ITGA2B: variants seen among roughly 807,000 people sequenced by gnomAD.
ITGA2B encodes integrin subunit alpha 2b.
ITGA2B carries 91 observed loss-of-function variants against 142.0 expected under a neutral mutation model. That is an observed-to-expected ratio of 0.64 (90% CI 0.54 to 0.76). The LOEUF is 0.76. Among genes scored for constraint, ITGA2B ranks in the 30% least tolerant of loss-of-function variants. The pLI is 0.00. For synonymous variants in ITGA2B, 536 were observed against 567.2 expected (o/e 0.94, Z 0.78); for missense variants, 1,231 against 1,350.8 (o/e 0.91, Z 1.39).
chr17:44,387,740 G>C (rs886563144), intron 1 of ITGA2B, among the ~76,000 whole-genome samples: 2 of 142,076 alleles, frequency 1.4e-5, no homozygotes, highest in African/African-American at 5.4e-5. Context: ...CAGGAGAATC[G>C]CTTGAACCCG....
intron 12 of ITGA2B, among the ~76,000 whole-genome samples, chr17:44,382,567 T>A (rs569507813): frequency 6.0e-4 from 92 of 152,136 alleles, no homozygotes; most frequent in African/African-American, 2.2e-3. Flanking sequence ...TGGAGTGCAG[T>A]AGTGGCGCAA....
rs1280533435 is a variant in ITGA2B, at chr17:44,375,127, G to A, written c.2728-16C>T. On this transcript the variant is annotated splice_polypyrimidine_tract_variant and intron_variant, in intron 26 of 29. Coordinates refer to ENST00000262407, the MANE Select transcript of ITGA2B (RefSeq NM_000419.5). ...AGTCGCAGCTCTGAGGGGAAGCATCGTCAGTCCCCAGCCCGTCCCGGCCCA... is the reference window on the plus strand; with the variant it reads ...AGTCGCAGCTCTGAGGGGAAGCATCATCAGTCCCCAGCCCGTCCCGGCCCA... 1.9e-6 allele frequency: 3 copies of A among 1,542,136 alleles called. No individual in the cohort carries two copies. Among genetic ancestry groups the A allele is most frequent in the East Asian group, 2.5e-5 (1 of 40,816 alleles).
At chr17:44,380,795 G>T in intron 13 of ITGA2B, 84 bp downstream of exon 13, 1 of 1,575,146 alleles carries the variant, frequency 6.3e-7, no homozygotes, top group Non-Finnish European at 8.7e-7. Context: ...CCAGGCATGA[G>T]CCCCTGGCCG....
At chr17:44,387,521 C>T (rs1158316340) in intron 1 of ITGA2B, among the ~76,000 whole-genome samples, 1 of 148,966 alleles carries the variant, frequency 6.7e-6, no homozygotes, top group Non-Finnish European at 1.5e-5. Context: ...GAAACTCCAT[C>T]TCAAAAAAAA....
In ITGA2B at chr17:44,375,692, T is replaced by G. The variant is rs2143436206; in HGVS notation, c.2626A>C (p.Ser876Arg). The G allele has an allele frequency of 5.0e-6, 8 of 1,596,182 alleles. No homozygotes were observed. Among genetic ancestry groups the G allele is most frequent in the Non-Finnish European group, 6.8e-6 (8 of 1,171,314 alleles). Reference sequence around the variant, plus strand: ...TGGGCCGGGTGAATGGGGGAGGGGCTGGGGATGGGCAGCCCCCAGTCCACC... The same window carrying G: ...TGGGCCGGGTGAATGGGGGAGGGGCGGGGGATGGGCAGCCCCCAGTCCACC... Reference protein sequence around the residue: ...LKVDWGLPIPSPSPIHPAHHK... With the variant: ...LKVDWGLPIPRPSPIHPAHHK... Residue 876 changes from serine (S) to arginine (R), a missense_variant, in exon 26 of 30, where the codon AGC (serine) becomes CGC (arginine). Around this residue, in one of 3 missense-constraint regions of ITGA2B, gnomAD observed 908 missense variants for 1,021.1 expected, o/e 0.89. Coordinates refer to ENST00000262407, the MANE Select transcript of ITGA2B (RefSeq NM_000419.5).
rs1198605304 is a variant in ITGA2B, at chr17:44,376,200, A to AC, written c.2349-17dup. ...AAAGGAGTTCCTGCAGGTGCCCAAG[A>AC]CCCCCAGAGAGAGTGTGATGCCCTG... On this transcript the variant is annotated splice_polypyrimidine_tract_variant and intron_variant, in intron 23 of 29. Transcript: ENST00000262407. 2 of 1,613,592 alleles carry AC rather than the reference A, an allele frequency of 1.2e-6. No individual in the cohort carries two copies. Among genetic ancestry groups the AC allele is most frequent in the Admixed American group, 3.3e-5 (2 of 59,960 alleles).
rs532951276 is a variant in ITGA2B at position 44,375,157 on chromosome 17, C to T, written c.2728-46G>A. The T allele has an allele frequency of 1.8e-5, 27 of 1,467,976 alleles. 1 individual carries two copies. Among genetic ancestry groups the T allele is most frequent in the South Asian group, 1.6e-4 (13 of 82,484 alleles). The allele number at this position is 1,467,976 out of a possible 1,614,324, so 90.9% of individuals were successfully genotyped here. On this transcript the variant is annotated intron_variant, in intron 26 of 29. Transcript: ENST00000262407. ...TCCCCAGCCCGTCCCGGCCCATCAC[C>T]CCATCATCCCCCACCCCCTTACCCC...
intron 12 of ITGA2B, among the ~76,000 whole-genome samples, chr17:44,382,320 T>G (rs1449525245): frequency 6.6e-6 from 1 of 151,926 alleles, no homozygotes; most frequent in Admixed American, 6.6e-5. Flanking sequence ...TTCCTTTCTA[T>G]TCCTCAAATT....
chr17:44,373,397 A>G (rs541217460), intron 29 of ITGA2B, among the ~76,000 whole-genome samples: 31 of 152,174 alleles, frequency 2.0e-4, no homozygotes, highest in Non-Finnish European at 4.1e-4. Flanking sequence ...CGGCCTCCCA[A>G]AGTGCTGGGA....
chr17:44,383,633 C>T lies in ITGA2B; in HGVS notation c.1070G>A (p.Gly357Glu). ...SRADRKLAEVGRVYLFLQPRG... is the reference protein window; with the variant it reads ...SRADRKLAEVERVYLFLQPRG... ...CGGCTGCAGGAACAAATACACACGC[C>T]CCACTTCGGCCAGTTTTCGGTCTGC... Residue 357 changes from glycine (G) to glutamate (E), a missense_variant, in exon 12 of 30, where the codon GGG becomes GAG. Coordinates refer to ENST00000262407, the MANE Select transcript of ITGA2B (RefSeq NM_000419.5). 1 of 1,603,598 alleles carries T rather than the reference C, an allele frequency of 6.2e-7. No homozygotes were observed. Among genetic ancestry groups the T allele is most frequent in the Non-Finnish European group, 8.5e-7 (1 of 1,175,542 alleles).
intron 12 of ITGA2B, among the ~76,000 whole-genome samples, chr17:44,383,125 G>A (rs930312743): frequency 4.6e-5 from 7 of 151,984 alleles, no homozygotes; most frequent in East Asian, 1.9e-4. Context: ...CCTGCTGCAC[G>A]GCCTGAGTTC....
rs752226714 is a variant in ITGA2B at position 44,375,652 on chromosome 17, C to T, written c.2666G>A (p.Arg889His). 4 of 1,612,544 alleles carry T rather than the reference C, an allele frequency of 2.5e-6. No homozygotes were observed. Among genetic ancestry groups the T allele is most frequent in the Non-Finnish European group, 8.5e-7 (1 of 1,179,496 alleles). ...PIHPAHHKRDRRQIFLPEPEQ... is the reference protein window; with the variant it reads ...PIHPAHHKRDHRQIFLPEPEQ... The stretch of plus-strand genomic sequence containing the variant: ...GGGCTCTGGCAGGAAGATCTGTCTG[C>T]GATCCCGCTTGTGATGGGCCGGGTG... Residue 889 changes from arginine (R) to histidine (H), a missense_variant, in exon 26 of 30, where the codon CGC (arginine) becomes CAC (histidine). Transcript: ENST00000262407.
chr17:44,378,757 G>A lies in ITGA2B; in HGVS notation c.1879-47C>T, dbSNP rs1458356459. ...TGCGGGTAAGTTGGGGATGTGTGAGGTTTAGGGATTACATCAGGGTTAGGA... is the reference window on the plus strand; with the variant it reads ...TGCGGGTAAGTTGGGGATGTGTGAGATTTAGGGATTACATCAGGGTTAGGA... On this transcript the variant is annotated intron_variant, in intron 18 of 29. Transcript: ENST00000262407. 8.5e-6 allele frequency: 13 copies of A among 1,520,770 alleles called. 1 individual carries two copies. The South Asian group carries it at 1.4e-4, about 17-fold the overall frequency. The allele number at this position is 1,520,770 out of a possible 1,614,324, so 94.2% of individuals were successfully genotyped here.
At chr17:44,388,522 A>G (rs77413627) in intron 1 of ITGA2B, among the ~76,000 whole-genome samples, 1 of 144,882 alleles carries the variant, frequency 6.9e-6, no homozygotes, top group South Asian at 2.2e-4. Flanking sequence ...ACGCCCGGCT[A>G]ATTTTTTTTT....
chr17:44,388,814 G>GCCT (rs369988305), intron 1 of ITGA2B, among the ~76,000 whole-genome samples: 1 of 129,618 alleles, frequency 7.7e-6, no homozygotes, highest in Non-Finnish European at 1.6e-5. Context: ...ACTGTGCCTG[G>GCCT]TCTCTTTTTT....
intron 12 of ITGA2B, among the ~76,000 whole-genome samples, chr17:44,382,421 G>A (rs2048605150): frequency 6.6e-6 from 1 of 151,438 alleles, no homozygotes; most frequent in Non-Finnish European, 1.5e-5. Context: ...TTGCATTCTG[G>A]CTTCTGACCC....
In ITGA2B at chr17:44,375,086, AC is replaced by A; in HGVS notation, c.2752del (p.Val918TrpfsTer?). ...LVSCDSAPCT[V>X]VQCDLQEMAR... is the part of the protein sequence containing the mutation. ...CATCTCCTGCAGGTCACACTGCACC[AC>A]AGTACAGGGCGCCGAGTCGCAGCTC... On this transcript the variant is annotated frameshift_variant, in exon 27 of 30. Coordinates refer to ENST00000262407, the MANE Select transcript of ITGA2B (RefSeq NM_000419.5). LOFTEE classifies it high-confidence loss of function. The A allele has an allele frequency of 6.5e-7, 1 of 1,548,646 alleles. No homozygotes were observed. The highest frequency in any genetic ancestry group is 8.7e-7 in the Non-Finnish European group (1 of 1,146,818).
At position 44,385,476 on chromosome 17, in the gene ITGA2B, G is replaced by T. The variant is rs544596241; in HGVS notation, c.574+75C>A. 5.8e-3 allele frequency: 8,825 copies of T among 1,524,124 alleles called. 36 individuals are homozygous for T. The highest frequency in any genetic ancestry group is 6.5e-3 in the Non-Finnish European group (7,414 of 1,138,832). The allele number at this position is 1,524,124 out of a possible 1,614,324, so 94.4% of individuals were successfully genotyped here. A position where few individuals can be genotyped will look rare whatever the true frequency, so the allele number is the denominator to read the frequency against. ...CCAGATCCAAAGCAAGGGCTGCGGCGCTGGGGGCGGGATCCGATGGGGGCG... is the reference window on the plus strand; with the variant it reads ...CCAGATCCAAAGCAAGGGCTGCGGCTCTGGGGGCGGGATCCGATGGGGGCG... On this transcript the variant is annotated intron_variant, in intron 4 of 29. Transcript: ENST00000262407.
chr17:44,381,678 G>A (rs181174566), intron 12 of ITGA2B, among the ~76,000 whole-genome samples: 8 of 150,740 alleles, frequency 5.3e-5, no homozygotes, highest in Non-Finnish European at 4.4e-5. Context: ...CTGTCATTCA[G>A]GCTGAAGTGC....
Sources: gnomAD v4.1 joint callset for allele counts (sites outside exome capture counted in the v4.1 genomes callset) on GRCh38, gnomAD v4.1.1 for gene constraint, gnomAD v4.1.1 regional missense constraint, MANE v1.5 for transcripts, NCBI Gene and HGNC (gene_info 2026-07-23, HGNC 2026-07-21) for gene names.